LDB3: variants seen among roughly 807,000 people sequenced by gnomAD.
LDB3 encodes the protein LIM domain-binding protein 3.
LDB3 carries 49 observed loss-of-function variants against 69.0 expected under a neutral mutation model. That is an observed-to-expected ratio of 0.71 (90% CI 0.56 to 0.90). The LOEUF (loss-of-function observed/expected upper bound fraction) is 0.90, where lower values mean the gene tolerates loss of function less well. Ranked by LOEUF, LDB3 falls within the 40% of genes least tolerant of loss-of-function variation. The pLI, the probability that LDB3 is intolerant of heterozygous loss-of-function variation, is 0.00. For synonymous variants in LDB3, 387 were observed against 396.2 expected, an observed-to-expected ratio of 0.98 and a Z score of 0.28; for missense variants, 928 against 974.1, an observed-to-expected ratio of 0.95 and a Z score of 0.63.
At position 86,726,239 on chromosome 10, in the gene LDB3, G is replaced by A; in HGVS notation, c.2081G>A (p.Cys694Tyr). The A allele has an allele frequency of 1.9e-6, 3 of 1,613,888 alleles. No homozygotes were observed. Among genetic ancestry groups the A allele is most frequent in the Non-Finnish European group, 2.5e-6 (3 of 1,179,820 alleles). ...EALGHTWHDTCFICAVCHVNL... is the reference protein window; with the variant it reads ...EALGHTWHDTYFICAVCHVNL... ...CTGGGCCACACTTGGCACGACACCT[G>A]CTTCATTTGCGCAGTATGTCTCTAG... The change falls in exon 13 of 14, where the codon TGC (cysteine) becomes TAC (tyrosine). Residue 694 changes from cysteine to tyrosine, a missense_variant. Cys to Tyr is a radical substitution (Grantham distance 194, BLOSUM62 -2). Coordinates refer to ENST00000361373, the MANE Select transcript of LDB3 (RefSeq NM_007078.3).
intron 2 of LDB3, among the ~76,000 whole-genome samples, chr10:86,669,966 G>A (rs1280404167): frequency 6.6e-6 from 1 of 152,224 alleles, no homozygotes; most frequent in Non-Finnish European, 1.5e-5. Context: ...GAAGGGGCTT[G>A]GCAGAGGGGC....
At chr10:86,690,851 G>T (rs1845724103) in intron 5 of LDB3, among the ~76,000 whole-genome samples, 1 of 152,214 alleles carries the variant, frequency 6.6e-6, no homozygotes, top group South Asian at 2.1e-4. Flanking sequence ...GGAAACCTAG[G>T]TTCTCACCCA....
intron 5 of LDB3, among the ~76,000 whole-genome samples, chr10:86,683,905 A>G (rs1778972538): frequency 6.6e-6 from 1 of 152,226 alleles, no homozygotes; most frequent in South Asian, 2.1e-4. Context: ...CGGGGTAGGC[A>G]CTACCATCTC....
chr10:86,668,776 A>C lies in LDB3; in HGVS notation c.85A>C (p.Ile29Leu). Reference sequence around the variant, plus strand: ...CAAGGACTTCAACATGCCCCTCACTATCTCCCGGGTGAGTGCACCCTGCCA... The same window carrying C: ...CAAGGACTTCAACATGCCCCTCACTCTCTCCCGGGTGAGTGCACCCTGCCA... Reference protein sequence around the residue: ...GGKDFNMPLTISRITPGSKAA... With the variant: ...GGKDFNMPLTLSRITPGSKAA... Residue 29 changes from isoleucine to leucine, a missense_variant, in exon 2 of 14, where the codon ATC (isoleucine) becomes CTC (leucine). Ile to Leu is a conservative substitution (Grantham distance 5). Coordinates refer to ENST00000361373, the MANE Select transcript of LDB3 (RefSeq NM_007078.3). The C allele has an allele frequency of 6.2e-7, 1 of 1,612,694 alleles. No homozygotes were observed. Among genetic ancestry groups the C allele is most frequent in the Non-Finnish European group, 8.5e-7 (1 of 1,179,630 alleles).
intron 8 of LDB3, among the ~76,000 whole-genome samples, chr10:86,708,843 G>C (rs1318316750): frequency 6.6e-6 from 1 of 152,144 alleles, no homozygotes; most frequent in Admixed American, 6.5e-5. Context: ...TCATGCCAGG[G>C]CCAGTCCCTT....
rs1846149456 is a variant in LDB3 at position 86,699,257 on chromosome 10, C to G, written c.896+6686C>G. 2.5e-6 allele frequency: 4 copies of G among 1,610,838 alleles called. No individual in the cohort carries two copies. Among genetic ancestry groups the G allele is most frequent in the South Asian group, 1.1e-5 (1 of 90,668 alleles). On this transcript the variant is annotated intron_variant, in intron 7 of 13. Coordinates refer to ENST00000361373, the MANE Select transcript of LDB3 (RefSeq NM_007078.3). The surrounding 1 kb of genome is among the most constrained non-coding windows in gnomAD (Gnocchi z 4.9). ...TCTCTGTTTCTCTCTCTCTCTCTCT[C>G]TCTCTCTCTCTGTGCCACAGGGAAA...
At chr10:86,680,412 G>A (rs1313408253) in intron 4 of LDB3, among the ~76,000 whole-genome samples, 1 of 152,250 alleles carries the variant, frequency 6.6e-6, no homozygotes, top group African/African-American at 2.4e-5. Context: ...TATGCCTCGT[G>A]GCTGGGCTGA....
At chr10:86,676,497 G>A (rs1260245168) in intron 2 of LDB3, among the ~76,000 whole-genome samples, 3 of 151,102 alleles carry the variant, frequency 2.0e-5, no homozygotes, top group Non-Finnish European at 2.9e-5. Flanking sequence ...CCCAGGAGGC[G>A]GAGGTTGCAG....
chr10:86,707,916 A>G (rs1438270935), intron 8 of LDB3, among the ~76,000 whole-genome samples: 1 of 152,234 alleles, frequency 6.6e-6, no homozygotes, highest in Non-Finnish European at 1.5e-5. Flanking sequence ...ATCTCTTCAT[A>G]TAAAGGCCTT....
chr10:86,715,746 G>A (rs555108011), intron 9 of LDB3, among the ~76,000 whole-genome samples: 3 of 151,840 alleles, frequency 2.0e-5, no homozygotes, highest in Admixed American at 6.6e-5. Context: ...AAACCAAGAC[G>A]GAATTGCCCC....
At chr10:86,708,334 G>A (rs1416153742) in intron 8 of LDB3, among the ~76,000 whole-genome samples, 2 of 152,232 alleles carry the variant, frequency 1.3e-5, no homozygotes, top group Non-Finnish European at 2.9e-5. Flanking sequence ...CACATGGGCT[G>A]GGGTGGAGCG....
chr10:86,695,246 G>A (rs1845947219), intron 7 of LDB3, among the ~76,000 whole-genome samples: 1 of 152,226 alleles, frequency 6.6e-6, no homozygotes, highest in Admixed American at 6.5e-5. Context: ...GAGGTCAAGT[G>A]TGAATACACA....
At position 86,710,281 on chromosome 10, in the gene LDB3, C is replaced by T. The variant is rs548596740; in HGVS notation, c.1231+231C>T. ...AGCGGTGGATGATTCTAAGGGAGAG[C>T]GAAGGAGAGCAGAGAAGTCTTCTCC... is the stretch of plus-strand genomic sequence containing the variant. On this transcript the variant is annotated intron_variant, in intron 9 of 13. Coordinates refer to ENST00000361373, the MANE Select transcript of LDB3 (RefSeq NM_007078.3). 28 of 984,194 alleles carry T rather than the reference C, an allele frequency of 2.8e-5. No homozygotes were observed. The South Asian group carries it at 1.2e-3, about 41-fold the overall frequency. 61.0% of individuals were successfully genotyped at this position (984,194 alleles called of 1,614,324 possible).
intron 13 of LDB3, chr10:86,726,570 C>G (rs1263711351): frequency 7.3e-6 from 3 of 412,326 alleles, no homozygotes; most frequent in Middle Eastern, 7.2e-4. Flanking sequence ...TGATGCTTGG[C>G]TTTGAGAGGG....
chr10:86,672,753 G>T (rs1217583655), intron 2 of LDB3, among the ~76,000 whole-genome samples: 1 of 152,228 alleles, frequency 6.6e-6, no homozygotes, highest in African/African-American at 2.4e-5. Flanking sequence ...ACTCTGTGAG[G>T]GATCCAAAAG....
upstream of LDB3, among the ~76,000 whole-genome samples, chr10:86,667,731 C>T (rs1844234835): frequency 6.6e-6 from 1 of 152,206 alleles, no homozygotes; most frequent in African/African-American, 2.4e-5. Context: ...CTGGCTGGGC[C>T]CCCAGAGGGT....
chr10:86,685,271 C>T (rs931411415), intron 5 of LDB3, among the ~76,000 whole-genome samples: 1 of 152,208 alleles, frequency 6.6e-6, no homozygotes, highest in Non-Finnish European at 1.5e-5. Context: ...GGCAGGGAGG[C>T]CCCTGGGCCT....
intron 12 of LDB3, among the ~76,000 whole-genome samples, chr10:86,724,228 T>C (rs1847180164): frequency 6.6e-6 from 1 of 151,918 alleles, no homozygotes; most frequent in Admixed American, 6.6e-5. Flanking sequence ...GGAGAACTGC[T>C]TGAACCCTGG....
chr10:86,716,749 G>A lies in LDB3; in HGVS notation c.1654G>A (p.Gly552Ser), dbSNP rs771007816. ...AGCCAGCAGCCGGACTCCACTCTGC[G>A]GTCACTGCAACAATGTCATCCGGTA... ...FPASSRTPLC[G>S]HCNNVIRGPF... Residue 552 changes from glycine to serine, a missense_variant, in exon 10 of 14, where the codon GGT (glycine) becomes AGT (serine). Gly to Ser is a moderately conservative substitution (Grantham distance 56, BLOSUM62 0). Coordinates refer to ENST00000361373, the MANE Select transcript of LDB3 (RefSeq NM_007078.3). 72 of 1,611,438 alleles carry A rather than the reference G, an allele frequency of 4.5e-5. No homozygotes were observed. The highest frequency in any genetic ancestry group is 5.6e-5 in the Non-Finnish European group (66 of 1,179,182).
Sources: gnomAD v4.1 joint callset for allele counts (sites outside exome capture counted in the v4.1 genomes callset) on GRCh38, gnomAD v4.1.1 for gene constraint, Gnocchi (gnomAD v3.1) non-coding constraint, MANE v1.5 for transcripts, NCBI Gene and HGNC (gene_info 2026-07-23, HGNC 2026-07-21) for gene names.